Variants in MBNL1 observed in about 807,000 individuals in gnomAD.
MBNL1 encodes muscleblind-like protein 1.
Under a neutral mutation model 42.2 loss-of-function variants are expected in MBNL1, and 8 were observed. The observed-to-expected ratio is 0.19, with a 90% CI of 0.11 to 0.34. MBNL1 has a LOEUF of 0.34. Ranked by LOEUF, MBNL1 falls within the 10% of genes least tolerant of loss-of-function variation. The probability of loss-of-function intolerance (pLI) is 1.00; values close to 1 mark genes in which losing one functional copy is unlikely to be tolerated. For missense variants in MBNL1, 309 were observed against 495.3 expected (o/e 0.62, Z 3.57); for synonymous variants, 169 against 173.9 (o/e 0.97, Z 0.22).
chr3:152,351,831 A>G (rs2095035018), intron 2 of MBNL1, among the ~76,000 whole-genome samples: 1 of 152,242 alleles, frequency 6.6e-6, no homozygotes, highest in Non-Finnish European at 1.5e-5. Context: ...AACAGGGTCT[A>G]GCACATGATA....
chr3:152,291,419 G>A (rs1458735493), intron 1 of MBNL1, among the ~76,000 whole-genome samples: 5 of 152,038 alleles, frequency 3.3e-5, no homozygotes, highest in East Asian at 1.9e-4. Flanking sequence ...TAACTTCATC[G>A]CCTCATGTTC....
intron 2 of MBNL1, among the ~76,000 whole-genome samples, chr3:152,308,183 A>G (rs950187883): frequency 6.6e-6 from 1 of 152,188 alleles, no homozygotes; most frequent in Non-Finnish European, 1.5e-5. Context: ...AGTTCAGTAC[A>G]AACAGTACCT....
At chr3:152,334,159 G>C (rs1578145036) in intron 2 of MBNL1, among the ~76,000 whole-genome samples, 2 of 152,142 alleles carry the variant, frequency 1.3e-5, no homozygotes, top group East Asian at 3.8e-4. Context: ...CTTAGAATCT[G>C]CCTATATAGG....
intron 2 of MBNL1, among the ~76,000 whole-genome samples, chr3:152,336,212 A>G (rs757601538): frequency 7.3e-6 from 1 of 137,868 alleles, no homozygotes; most frequent in Non-Finnish European, 1.7e-5. Flanking sequence ...TAAACCTACA[A>G]TTTCTGATTG....
intron 3 of MBNL1, among the ~76,000 whole-genome samples, chr3:152,429,983 T>C (rs2153740588): frequency 6.6e-6 from 1 of 152,356 alleles, no homozygotes; most frequent in East Asian, 1.9e-4. Flanking sequence ...CCGACTTTAC[T>C]TGGGGACAGT....
At chr3:152,444,916 A>G (rs1370890157) in intron 4 of MBNL1, among the ~76,000 whole-genome samples, 1 of 152,174 alleles carries the variant, frequency 6.6e-6, no homozygotes, top group Admixed American at 6.5e-5. Flanking sequence ...ACACAACATC[A>G]TTATGTCTCA....
intron 2 of MBNL1, among the ~76,000 whole-genome samples, chr3:152,398,651 C>G (rs2098089212): frequency 6.6e-6 from 1 of 152,162 alleles, no homozygotes; most frequent in Non-Finnish European, 1.5e-5. Context: ...TCTCCCCTTT[C>G]CAGGCTCTTA....
intron 1 of MBNL1, among the ~76,000 whole-genome samples, chr3:152,282,726 T>C (rs900337050): frequency 9.9e-5 from 15 of 152,144 alleles, no homozygotes; most frequent in African/African-American, 3.6e-4. Context: ...TGCCAGTAAA[T>C]ATTTATTTTA....
intron 2 of MBNL1, among the ~76,000 whole-genome samples, chr3:152,347,911 C>T (rs1460984464): frequency 6.6e-6 from 1 of 152,004 alleles, no homozygotes; most frequent in Non-Finnish European, 1.5e-5. Flanking sequence ...TCATGAATCC[C>T]ACAACTGTAT....
intron 2 of MBNL1, among the ~76,000 whole-genome samples, chr3:152,354,607 C>A (rs1020468956): frequency 6.6e-6 from 1 of 151,368 alleles, no homozygotes; most frequent in Non-Finnish European, 1.5e-5. Context: ...GTTTTATATT[C>A]CCAATTATTT....
intron 6 of MBNL1, among the ~76,000 whole-genome samples, chr3:152,453,457 T>C (rs1727587805): frequency 1.3e-5 from 2 of 152,208 alleles, no homozygotes; most frequent in Non-Finnish European, 1.5e-5. Flanking sequence ...TAGGAGAAAT[T>C]GGAAATTGAC....
At chr3:152,264,274 C>T (rs1255772159), upstream of MBNL1, 1 of 151,818 alleles carries the variant, frequency 6.6e-6, no homozygotes, top group African/African-American at 2.4e-5. Context: ...ATGGCTGATG[C>T]TCAATAAATG....
At chr3:152,304,825 G>A (rs1274725474) in intron 2 of MBNL1, among the ~76,000 whole-genome samples, 1 of 152,134 alleles carries the variant, frequency 6.6e-6, no homozygotes, top group African/African-American at 2.4e-5. Flanking sequence ...AGTTGCTTTG[G>A]TGAAACTAGT....
In MBNL1 at chr3:152,463,616, TTA is replaced by T. The variant is rs1395474712; in HGVS notation, c.*1254_*1255del. On this transcript the variant is annotated 3_prime_UTR_variant, in exon 10 of 10. Transcript: ENST00000324210. Reference sequence around the variant, plus strand: ...GGTGGGTTAAGTACATGGGTGAATTTTATATGTGATTTTTGTTTTGTTTTGTT... The same window carrying T: ...GGTGGGTTAAGTACATGGGTGAATTTTATGTGATTTTTGTTTTGTTTTGTT... 7.9e-5 allele frequency: 12 copies of T among 152,596 alleles called. No individual in the cohort carries two copies. The East Asian group carries it at 2.3e-3, about 29-fold the overall frequency. 9.5% of individuals were successfully genotyped at this position (152,596 alleles called of 1,614,324 possible).
At chr3:152,377,373 C>T (rs1157959418) in intron 2 of MBNL1, among the ~76,000 whole-genome samples, 2 of 152,012 alleles carry the variant, frequency 1.3e-5, no homozygotes, top group African/African-American at 4.8e-5. Context: ...TAGCTAGGAC[C>T]CATCAGGTGG....
At chr3:152,427,047 C>G (rs2098942199) in intron 3 of MBNL1, among the ~76,000 whole-genome samples, 2 of 152,218 alleles carry the variant, frequency 1.3e-5, no homozygotes, top group Non-Finnish European at 2.9e-5. Context: ...AGATAAGGCA[C>G]TTTATCCCAG....
chr3:152,374,914 C>T (rs372098037), intron 2 of MBNL1, among the ~76,000 whole-genome samples: 3 of 152,110 alleles, frequency 2.0e-5, no homozygotes, highest in African/African-American at 7.2e-5. Flanking sequence ...TTTCTTGGAA[C>T]TTGTCTGTTA....
intron 2 of MBNL1, among the ~76,000 whole-genome samples, chr3:152,408,082 C>T (rs1021544428): frequency 1.3e-5 from 2 of 152,124 alleles, no homozygotes; most frequent in Non-Finnish European, 2.9e-5. Context: ...GCAAACCATT[C>T]ACTGTGGCAC....
Position 152,432,774 on chromosome 3 carries a change from C to A in MBNL1, c.403C>A (p.Pro135Thr). ...CAATGCATCAGCAGCCGCCTTTAAT[C>A]CCTATCTGGGACCTGTTTCTCCAAG... ...ATNASAAAFNPYLGPVSPSLV... is the reference protein window; with the variant it reads ...ATNASAAAFNTYLGPVSPSLV... Residue 135 changes from proline to threonine, a missense_variant, in exon 4 of 10, where the codon CCC (proline) becomes ACC (threonine). Pro to Thr is a conservative substitution (Grantham distance 38, BLOSUM62 -1). Transcript: ENST00000324210. 1 of 1,614,164 alleles carries A rather than the reference C, an allele frequency of 6.2e-7. No homozygotes were observed. Among genetic ancestry groups the A allele is most frequent in the Non-Finnish European group, 8.5e-7 (1 of 1,180,020 alleles).
Sources: gnomAD v4.1 joint callset for allele counts (sites outside exome capture counted in the v4.1 genomes callset) on GRCh38, gnomAD v4.1.1 for gene constraint, MANE v1.5 for transcripts, NCBI Gene and HGNC (gene_info 2026-07-23, HGNC 2026-07-21) for gene names.